Variants in SMURF1 observed in about 807,000 individuals in gnomAD.
SMURF1 encodes E3 ubiquitin-protein ligase SMURF1.
Under a neutral mutation model 98.0 loss-of-function variants are expected in SMURF1, and 44 were observed. The observed-to-expected ratio is 0.45, with a 90% CI of 0.35 to 0.58. The LOEUF (loss-of-function observed/expected upper bound fraction) is 0.58, where lower values mean the gene tolerates loss of function less well. SMURF1 is among the 20% of genes least tolerant of loss of function. The pLI is 0.00. For synonymous variants in SMURF1, 396 were observed against 374.9 expected (o/e 1.06, Z -0.65); for missense variants, 687 against 938.4 (o/e 0.73, Z 3.50).
intron 1 of SMURF1, among the ~76,000 whole-genome samples, chr7:99,063,241 T>TTTTA (rs1796084918): frequency 1.4e-4 from 5 of 34,902 alleles, no homozygotes; most frequent in Non-Finnish European, 2.1e-4. Flanking sequence ...TAAGATTTAT[T>TTTTA]TATATATATA....
At chr7:99,107,453 C>T (rs1464113685) in intron 1 of SMURF1, among the ~76,000 whole-genome samples, 1 of 152,052 alleles carries the variant, frequency 6.6e-6, no homozygotes, top group African/African-American at 2.4e-5. Context: ...GTAATTGTCA[C>T]CAAAAACAAA....
intron 9 of SMURF1, chr7:99,049,349 A>G: frequency 1.9e-6 from 1 of 540,252 alleles, no homozygotes; most frequent in Admixed American, 3.4e-5. Context: ...GGCTGCAAGT[A>G]AGAAAAGGGT....
intron 1 of SMURF1, among the ~76,000 whole-genome samples, chr7:99,097,998 ATCTTTT>A (rs113887680): frequency 0.021 from 3,175 of 152,318 alleles, 106 homozygotes; most frequent in African/African-American, 0.07. Flanking sequence ...AAAAATGAAG[ATCTTTT>A]TCAACAGACA....
intron 1 of SMURF1, among the ~76,000 whole-genome samples, chr7:99,101,273 G>A (rs561563531): frequency 9.2e-5 from 14 of 152,194 alleles, no homozygotes; most frequent in Non-Finnish European, 1.9e-4. Flanking sequence ...TCAGGAGGCT[G>A]AGGTGGGAGG....
rs149328128 is a variant in SMURF1, at chr7:99,048,872, C to T, written c.953+691G>A. 8.1e-3 allele frequency: 1,238 copies of T among 152,418 alleles called. 9 individuals are homozygous for T. Among genetic ancestry groups the T allele is most frequent in the Admixed American group, 0.014 (220 of 15,298 alleles). The allele number at this position is 152,418 out of a possible 1,614,324, so 9.4% of individuals were successfully genotyped here. A position where few individuals can be genotyped will look rare whatever the true frequency, so the allele number is the denominator to read the frequency against. Reference sequence around the variant, plus strand: ...TCGGGAGGCCAAGGCAGGCGGATCACCCGCAGTCAGGAATTTGGGACCAGC... The same window carrying T: ...TCGGGAGGCCAAGGCAGGCGGATCATCCGCAGTCAGGAATTTGGGACCAGC... On this transcript the variant is annotated intron_variant, in intron 9 of 17. Transcript: ENST00000361368.
At chr7:99,034,107 G>A (rs1322893977) in intron 16 of SMURF1, among the ~76,000 whole-genome samples, 2 of 152,158 alleles carry the variant, frequency 1.3e-5, no homozygotes, top group Non-Finnish European at 2.9e-5. Flanking sequence ...CAGGAAGCTG[G>A]CTCCTCCCCC....
At chr7:99,080,318 A>G (rs1796552581) in intron 1 of SMURF1, among the ~76,000 whole-genome samples, 1 of 148,278 alleles carries the variant, frequency 6.7e-6, no homozygotes, top group East Asian at 1.9e-4. Flanking sequence ...TTTGTTTTTG[A>G]GACGGAGTTT....
chr7:99,045,920 G>T, intron 10 of SMURF1, 119 bp from the exon 11 acceptor site: 1 of 713,634 alleles, frequency 1.4e-6, no homozygotes. Context: ...AGTTTTATCT[G>T]GCTCCTCATC....
At chr7:99,091,597 C>G (rs1373512957) in intron 1 of SMURF1, among the ~76,000 whole-genome samples, 1 of 152,148 alleles carries the variant, frequency 6.6e-6, no homozygotes, top group African/African-American at 2.4e-5. Flanking sequence ...TTCACCACCT[C>G]CCTCACAAAC....
intron 11 of SMURF1, among the ~76,000 whole-genome samples, chr7:99,042,794 G>A (rs565690117): frequency 3.9e-5 from 6 of 152,254 alleles, no homozygotes; most frequent in East Asian, 1.9e-4. Flanking sequence ...CCTTTTCAAC[G>A]GATCGCATTA....
chr7:99,047,613 T>G, intron 10 of SMURF1, 71 bp downstream of exon 10: 1,250 of 1,469,718 alleles, frequency 8.5e-4, no homozygotes, highest in Non-Finnish European at 1.1e-3. Context: ...CAATCGCATT[T>G]GAGATTCCTT....
At position 99,059,501 on chromosome 7, in the gene SMURF1, G is replaced by A. The variant is rs1338103457; in HGVS notation, c.203+1098C>T. Among the ~76,000 whole-genome samples the A allele has an allele frequency of 2.6e-5, 4 of 151,484 alleles. No individual in the cohort carries two copies. The East Asian group carries it at 7.7e-4, about 29-fold the overall frequency. On this transcript the variant is annotated intron_variant, in intron 3 of 17. Transcript: ENST00000361368. ...TCAAAGTACAATCCAGTTTTTGAAT[G>A]ACTATAAGAAATTGATGGCTTTGAT...
At chr7:99,108,629 A>AG (rs1166858748) in intron 1 of SMURF1, among the ~76,000 whole-genome samples, 1 of 148,746 alleles carries the variant, frequency 6.7e-6, no homozygotes, top group Non-Finnish European at 1.5e-5. Context: ...AAAAAAAAAA[A>AG]AAAAAAGAAA....
chr7:99,065,499 T>C (rs111653879), intron 1 of SMURF1, among the ~76,000 whole-genome samples: 9 of 152,342 alleles, frequency 5.9e-5, no homozygotes, highest in Admixed American at 2.0e-4. Flanking sequence ...CATTTTCTCA[T>C]TGTTATTTGG....
Position 99,104,817 on chromosome 7 carries a change from G to A in SMURF1, c.55+38909C>T, listed in dbSNP as rs533097265. 1.2e-3 allele frequency among the ~76,000 whole-genome samples: 187 copies of A among 152,294 alleles called. 1 individual carries two copies. The highest frequency in any genetic ancestry group is 2.0e-3 in the Non-Finnish European group (137 of 68,024). ...GAAGCTGGGGATCCCACATTACAGT[G>A]GCAATGACAGCAATAGGGGCTTCAC... On this transcript the variant is annotated intron_variant, in intron 1 of 17. Coordinates refer to ENST00000361368, the MANE Select transcript of SMURF1 (RefSeq NM_181349.3).
chr7:99,043,420 A>G (rs1795458248), intron 11 of SMURF1, among the ~76,000 whole-genome samples: 1 of 152,180 alleles, frequency 6.6e-6, no homozygotes, highest in Non-Finnish European at 1.5e-5. Flanking sequence ...ATAACACTAC[A>G]AGACCAAACT....
chr7:99,127,175 G>A (rs959589196), intron 1 of SMURF1, among the ~76,000 whole-genome samples: 2 of 152,210 alleles, frequency 1.3e-5, no homozygotes, highest in Admixed American at 6.5e-5. Flanking sequence ...ACACGGGAAC[G>A]TTGACGAGCA....
intron 1 of SMURF1, 150 bp from the exon 2 acceptor site, chr7:99,061,987 G>A: frequency 1.9e-6 from 1 of 521,254 alleles, no homozygotes. Flanking sequence ...AACAAAAAAT[G>A]GACAACCATC....
At chr7:99,070,003 A>G (rs1428817921) in intron 1 of SMURF1, among the ~76,000 whole-genome samples, 1 of 152,226 alleles carries the variant, frequency 6.6e-6, no homozygotes, top group East Asian at 1.9e-4. Flanking sequence ...TCTCTGGTAA[A>G]GTGACAGTCC....
Sources: allele counts gnomAD v4.1 joint callset (sites outside exome capture counted in the v4.1 genomes callset), GRCh38; gene constraint gnomAD v4.1.1; transcripts MANE v1.5; gene names NCBI Gene and HGNC (gene_info 2026-07-23, HGNC 2026-07-21).